The following ANKRD44 variants were observed in gnomAD, a reference collection of about 807,000 sequenced individuals.
ANKRD44 encodes serine/threonine-protein phosphatase 6 regulatory ankyrin repeat subunit B.
In ANKRD44, 35 loss-of-function variants were observed where a neutral mutation model predicts 116.0. The ratio of observed to expected loss-of-function variants is 0.30; its 90% CI spans 0.23 to 0.40. The LOEUF (loss-of-function observed/expected upper bound fraction) is 0.40, where lower values mean the gene tolerates loss of function less well. Among genes scored for constraint, ANKRD44 ranks in the 10% least tolerant of loss-of-function variants. The probability of loss-of-function intolerance (pLI) is 1.00; values close to 1 mark genes in which losing one functional copy is unlikely to be tolerated. For synonymous variants in ANKRD44, 435 were observed against 461.8 expected, an observed-to-expected ratio of 0.94 and a Z score of 0.74; for missense variants, 1,014 against 1,242.6, an observed-to-expected ratio of 0.82 and a Z score of 2.77.
downstream of ANKRD44, among the ~76,000 whole-genome samples, chr2:196,985,246 C>T (rs1171478562): frequency 1.3e-5 from 2 of 152,202 alleles, no homozygotes; most frequent in Non-Finnish European, 2.9e-5. Context: ...ACCATGATTA[C>T]AGGCTGTGAG....
In ANKRD44 at chr2:197,066,375, G is replaced by A. The variant is rs369581546; in HGVS notation, c.1650+12328C>T. ...ACTGGAAGTATTCCCTTTGAAAACT[G>A]GCACAAGACAGGGATGCCCTCTCTC... On this transcript the variant is annotated intron_variant, in intron 16 of 27. Coordinates refer to ENST00000282272, the MANE Select transcript of ANKRD44 (RefSeq NM_001195144.2). Among the ~76,000 whole-genome samples the A allele has an allele frequency of 6.6e-5, 10 of 152,264 alleles. No individual in the cohort carries two copies. In the East Asian group the frequency reaches 1.2e-3, roughly 18 times the overall value.
chr2:197,193,009 A>G (rs902214456), intron 1 of ANKRD44, among the ~76,000 whole-genome samples: 1 of 152,228 alleles, frequency 6.6e-6, no homozygotes, highest in Non-Finnish European at 1.5e-5. Flanking sequence ...AAAAAACATA[A>G]AATTCCATGT....
intron 1 of ANKRD44, among the ~76,000 whole-genome samples, chr2:197,210,099 C>G (rs1158752033): frequency 1.3e-5 from 2 of 152,194 alleles, no homozygotes; most frequent in East Asian, 3.8e-4. Context: ...CTTTCAGTCA[C>G]ACCTTAGTGG....
intron 2 of ANKRD44, among the ~76,000 whole-genome samples, chr2:197,156,626 A>G (rs2079822305): frequency 6.6e-6 from 1 of 152,386 alleles, no homozygotes; most frequent in South Asian, 2.1e-4. Flanking sequence ...AAATGAAAGC[A>G]TATGTCCATA....
chr2:196,999,482 T>C (rs1226547073), intron 23 of ANKRD44, among the ~76,000 whole-genome samples: 1 of 152,198 alleles, frequency 6.6e-6, no homozygotes, highest in Non-Finnish European at 1.5e-5. Context: ...TTTATCAAAA[T>C]TTAAAAATAT....
intron 3 of ANKRD44, 132 bp from the exon 4 acceptor site, chr2:197,136,794 T>G (rs762867411): frequency 8.2e-6 from 6 of 731,876 alleles, no homozygotes; most frequent in Non-Finnish European, 1.2e-5. Flanking sequence ...GTATTAGTCA[T>G]GTGCTGACAA....
chr2:197,294,798 TC>T (rs929466189), intron 1 of ANKRD44, among the ~76,000 whole-genome samples: 2 of 152,226 alleles, frequency 1.3e-5, no homozygotes, highest in Admixed American at 1.3e-4. Context: ...GCTATTTCCA[TC>T]CCCATATTAA....
rs549036784 is a variant in ANKRD44 at position 197,267,259 on chromosome 2, C to A, written c.27+43319G>T. ...TGTATTTCAAGGATGCTCTCAGTGTCTTTTAAAATGCTAAAATCACTCCAG... is the reference window on the plus strand; with the variant it reads ...TGTATTTCAAGGATGCTCTCAGTGTATTTTAAAATGCTAAAATCACTCCAG... On this transcript the variant is annotated intron_variant, in intron 1 of 27. Transcript: ENST00000282272. Among the ~76,000 whole-genome samples, 6 of 152,324 alleles carry A rather than the reference C, an allele frequency of 3.9e-5. No individual in the cohort carries two copies. In the South Asian group the frequency reaches 1.2e-3, roughly 32 times the overall value.
chr2:197,170,100 G>C (rs910039114), intron 2 of ANKRD44, among the ~76,000 whole-genome samples: 6 of 150,552 alleles, frequency 4.0e-5, no homozygotes, highest in Non-Finnish European at 7.4e-5. Context: ...TGAGGTGAGA[G>C]GTTTGTAGGA....
intron 4 of ANKRD44, among the ~76,000 whole-genome samples, chr2:197,130,620 A>C (rs2079073290): frequency 6.6e-6 from 1 of 152,218 alleles, no homozygotes; most frequent in Admixed American, 6.5e-5. Flanking sequence ...ATTCTAATAG[A>C]TTATAAAATG....
At chr2:197,267,031 T>C (rs1213688344) in intron 1 of ANKRD44, among the ~76,000 whole-genome samples, 1 of 152,126 alleles carries the variant, frequency 6.6e-6, no homozygotes, top group Non-Finnish European at 1.5e-5. Flanking sequence ...CCTAGAACAA[T>C]GCCACATCAA....
At chr2:197,105,073 CTT>C (rs1454689054) in intron 9 of ANKRD44, among the ~76,000 whole-genome samples, 1 of 151,974 alleles carries the variant, frequency 6.6e-6, no homozygotes, top group African/African-American at 2.4e-5. Context: ...TTCTTCAAAT[CTT>C]TGTTTCTGTG....
intron 2 of ANKRD44, chr2:197,147,789 T>A (rs755510614): frequency 5.0e-5 from 21 of 418,666 alleles, no homozygotes; most frequent in African/African-American, 2.3e-4. Flanking sequence ...AAACACCGTA[T>A]GGGATTAAGT....
chr2:197,285,859 T>C (rs2083392089), intron 1 of ANKRD44, among the ~76,000 whole-genome samples: 1 of 152,246 alleles, frequency 6.6e-6, no homozygotes, highest in Non-Finnish European at 1.5e-5. Context: ...TTTCACTATA[T>C]GGTCACCTCT....
intron 26 of ANKRD44, chr2:196,994,688 T>G (rs1430063645): frequency 6.6e-6 from 1 of 150,428 alleles, no homozygotes; most frequent in Non-Finnish European, 1.5e-5. Flanking sequence ...CTAATTTTGT[T>G]GTTGTTGTAT....
At chr2:197,021,007 T>A (rs2076488234) in intron 17 of ANKRD44, among the ~76,000 whole-genome samples, 1 of 152,124 alleles carries the variant, frequency 6.6e-6, no homozygotes. Context: ...TCCAAGTGTT[T>A]TCATTGTTCA....
intron 2 of ANKRD44, among the ~76,000 whole-genome samples, chr2:197,161,214 C>T (rs982105170): frequency 7.2e-5 from 11 of 151,994 alleles, no homozygotes; most frequent in African/African-American, 2.2e-4. Context: ...GAGATGGCTA[C>T]GTAACAGCAC....
chr2:197,269,720 C>A (rs957339693), intron 1 of ANKRD44, among the ~76,000 whole-genome samples: 1 of 152,058 alleles, frequency 6.6e-6, no homozygotes, highest in East Asian at 1.9e-4. Context: ...AGGACAAAGC[C>A]AGGAAAATAC....
intron 1 of ANKRD44, among the ~76,000 whole-genome samples, chr2:197,216,873 C>CACACAT: frequency 6.7e-6 from 1 of 148,442 alleles, no homozygotes; most frequent in Non-Finnish European, 1.5e-5. Flanking sequence ...TGGTTAAACA[C>CACACAT]ACACACACAC....
Sources: gnomAD v4.1 joint callset for allele counts (sites outside exome capture counted in the v4.1 genomes callset) on GRCh38, gnomAD v4.1.1 for gene constraint, MANE v1.5 for transcripts, NCBI Gene and HGNC (gene_info 2026-07-23, HGNC 2026-07-21) for gene names.